Variants in RSPH1 observed in about 807,000 individuals in gnomAD.
RSPH1 encodes the protein radial spoke head component 1, also known as radial spoke head 1 homolog.
A neutral mutation model predicts 44.2 loss-of-function variants in RSPH1; 32 were observed. The observed-to-expected ratio is 0.72, with a 90% CI of 0.55 to 0.97. The LOEUF (loss-of-function observed/expected upper bound fraction) is 0.97. Ranked by LOEUF, RSPH1 falls within the 50% of genes least tolerant of loss-of-function variation. RSPH1 has a pLI of 0.00. For synonymous variants in RSPH1, 134 were observed against 147.3 expected, an observed-to-expected ratio of 0.91 and a Z score of 0.65; for missense variants, 391 against 398.7, an observed-to-expected ratio of 0.98 and a Z score of 0.16.
intron 6 of RSPH1, among the ~76,000 whole-genome samples, chr21:42,480,532 C>A (rs368280520): frequency 2.7e-5 from 4 of 145,868 alleles, no homozygotes; most frequent in Non-Finnish European, 6.0e-5. Flanking sequence ...CCCAGCTACT[C>A]GGGAGGCTGA....
intron 1 of RSPH1, among the ~76,000 whole-genome samples, chr21:42,495,509 C>T (rs2054278990): frequency 6.6e-6 from 1 of 152,216 alleles, no homozygotes; most frequent in South Asian, 2.1e-4. Context: ...CCACACAGAA[C>T]CCAGCTCACA....
At chr21:42,481,232 T>G (rs1261918261) in intron 6 of RSPH1, among the ~76,000 whole-genome samples, 1 of 152,016 alleles carries the variant, frequency 6.6e-6, no homozygotes, top group Non-Finnish European at 1.5e-5. Context: ...TGGCACCTCC[T>G]CCCCTCTTTT....
chr21:42,485,853 A>G, intron 4 of RSPH1, 49 bp from the exon 5 acceptor site: 1 of 1,610,860 alleles, frequency 6.2e-7, no homozygotes. Flanking sequence ...ACAGTGAAAA[A>G]TCTCCCAGGT....
In RSPH1 at chr21:42,477,239, G is replaced by A. The variant is rs147838477; in HGVS notation, c.727+52C>T. On this transcript the variant is annotated intron_variant, in intron 7 of 8. Transcript: ENST00000291536. ...ACACCCTCTGTCCCACAGCCCGGGGGTGCCCCACACCCTCTGCCCCCTCCA... is the reference window on the plus strand; with the variant it reads ...ACACCCTCTGTCCCACAGCCCGGGGATGCCCCACACCCTCTGCCCCCTCCA... 7.7e-3 allele frequency: 7,488 copies of A among 978,180 alleles called. 135 individuals are homozygous for A. The highest frequency in any genetic ancestry group is 0.015 in the South Asian group (872 of 59,336). The allele number at this position is 978,180 out of a possible 1,614,324, so 60.6% of individuals were successfully genotyped here. A position where few individuals can be genotyped will look rare whatever the true frequency, so the allele number is the denominator to read the frequency against.
At chr21:42,490,361 G>A (rs111611755) in intron 3 of RSPH1, among the ~76,000 whole-genome samples, 229 of 152,300 alleles carry the variant, frequency 1.5e-3, no homozygotes, top group African/African-American at 4.9e-3. Context: ...GGCCCATTGT[G>A]ATGGCAGCCA....
intron 5 of RSPH1, chr21:42,484,796 T>A (rs2054162013): frequency 6.6e-6 from 1 of 152,024 alleles, no homozygotes; most frequent in South Asian, 2.1e-4. Context: ...CCACAGAAAG[T>A]TTGCTGGGAA....
chr21:42,478,029 GA>G (rs2054087447), intron 6 of RSPH1, among the ~76,000 whole-genome samples: 1 of 152,184 alleles, frequency 6.6e-6, no homozygotes, highest in African/African-American at 2.4e-5. Context: ...GGATTATGGG[GA>G]AAAATAAAAT....
chr21:42,481,541 C>A (rs558883238), intron 6 of RSPH1, among the ~76,000 whole-genome samples: 1 of 152,146 alleles, frequency 6.6e-6, no homozygotes, highest in Admixed American at 6.5e-5. Flanking sequence ...AGTTTGTGTA[C>A]GATAATATAT....
intron 1 of RSPH1, 134 bp from the exon 2 acceptor site, chr21:42,493,213 C>T: frequency 2.6e-6 from 2 of 760,780 alleles, no homozygotes; most frequent in Non-Finnish European, 2.2e-6. Flanking sequence ...AATTGTCCCA[C>T]CTTTCCCACC....
At chr21:42,489,008 G>A (rs1157156640) in intron 3 of RSPH1, among the ~76,000 whole-genome samples, 1 of 152,022 alleles carries the variant, frequency 6.6e-6, no homozygotes. Context: ...TGGTTGGTTG[G>A]TTGGTTGATT....
At position 42,472,792 on chromosome 21, in the gene RSPH1, A is replaced by G. The variant is rs923231704; in HGVS notation, c.*26T>C. 1 of 1,576,526 alleles carries G rather than the reference A, an allele frequency of 6.3e-7. No homozygotes were observed. Among genetic ancestry groups the G allele is most frequent in the Non-Finnish European group, 8.7e-7 (1 of 1,147,464 alleles). On this transcript the variant is annotated 3_prime_UTR_variant, in exon 9 of 9. Coordinates refer to ENST00000291536, the MANE Select transcript of RSPH1 (RefSeq NM_080860.4). Reference sequence around the variant, plus strand: ...CTAACGACAGAAGCATTCTTATGATACGATCTCCTCTCGGCTCACTTCATC... The same window carrying G: ...CTAACGACAGAAGCATTCTTATGATGCGATCTCCTCTCGGCTCACTTCATC...
chr21:42,495,306 AGC>A (rs2054276998), intron 1 of RSPH1, among the ~76,000 whole-genome samples: 1 of 152,150 alleles, frequency 6.6e-6, no homozygotes, highest in African/African-American at 2.4e-5. Flanking sequence ...GAGTGCCCAG[AGC>A]TAGCAAAAAG....
rs762424929 is a variant in RSPH1, at chr21:42,496,115, C to G, written c.54+18G>C. On this transcript the variant is annotated intron_variant, in intron 1 of 8. Transcript: ENST00000291536. ...CGCTGCGCACCCTGGGAAGCCCTTT[C>G]TCACCAGGAGCTCTCACCCCAATAT... The G allele has an allele frequency of 3.1e-6, 5 of 1,614,126 alleles. No individual in the cohort carries two copies. Among genetic ancestry groups the G allele is most frequent in the South Asian group, 2.2e-5 (2 of 91,082 alleles).
chr21:42,483,609 C>T (rs997884476), intron 5 of RSPH1, among the ~76,000 whole-genome samples: 1 of 152,030 alleles, frequency 6.6e-6, no homozygotes, highest in East Asian at 1.9e-4. Context: ...CAAATATTCT[C>T]TCCCCATTTA....
Position 42,477,124 on chromosome 21 carries a change from G to GGTGCCCT in RSPH1, c.727+166_727+167insAGGGCAC, listed in dbSNP as rs2054067906. Among the ~76,000 whole-genome samples, 2 of 132,954 alleles carry GGTGCCCT rather than the reference G, an allele frequency of 1.5e-5. 1 individual carries two copies. The highest frequency in any genetic ancestry group is 3.2e-5 in the Non-Finnish European group (2 of 61,582). The allele number at this position is 132,954 out of a possible 152,430, so 87.2% of individuals were successfully genotyped here. A position where few individuals can be genotyped will look rare whatever the true frequency, so the allele number is the denominator to read the frequency against. The stretch of plus-strand genomic sequence containing the variant: ...TGCCCCCTCCACTCCACAGCCCGGG[G>GGTGCCCT]ATGCCCCACACCCTCTGCCCCCTCC... On this transcript the variant is annotated intron_variant, in intron 7 of 8. Coordinates refer to ENST00000291536, the MANE Select transcript of RSPH1 (RefSeq NM_080860.4).
Position 42,477,453 on chromosome 21 carries a change from A to G in RSPH1, c.574-9T>C. ...TCCTCTTCTCCTCTTTCCTATTTTA[A>G]GTGCAAAAATGTACATTTACCAACA... On this transcript the variant is annotated splice_polypyrimidine_tract_variant and intron_variant, in intron 6 of 8. Transcript: ENST00000291536. 6.2e-7 allele frequency: 1 copy of G among 1,613,458 alleles called. No homozygotes were observed. The highest frequency in any genetic ancestry group is 8.5e-7 in the Non-Finnish European group (1 of 1,179,506).
intron 1 of RSPH1, 79 bp downstream of exon 1, chr21:42,496,053 TC>T: frequency 6.5e-7 from 1 of 1,527,504 alleles, no homozygotes; most frequent in Non-Finnish European, 9.1e-7. Context: ...TTTCTGCGCC[TC>T]CTCACTCTCC....
In RSPH1 at chr21:42,477,387, C is replaced by CT; in HGVS notation, c.630dup (p.Ala211SerfsTer6). ...AGGGCCAATTCAGTGATTTGGGTAG[C>CT]TTTCCATTTTGGAACAACAGTTACT... On this transcript the variant is annotated frameshift_variant, in exon 7 of 9. Coordinates refer to ENST00000291536, the MANE Select transcript of RSPH1 (RefSeq NM_080860.4). LOFTEE classifies it high-confidence loss of function. The CT allele has an allele frequency of 6.2e-7, 1 of 1,613,362 alleles. No individual in the cohort carries two copies.
chr21:42,492,352 G>A (rs1254754550), intron 3 of RSPH1, among the ~76,000 whole-genome samples: 7 of 152,228 alleles, frequency 4.6e-5, no homozygotes, highest in African/African-American at 1.7e-4. Flanking sequence ...GGAAACACTC[G>A]ATCTGAAGAA....
Sources: gnomAD v4.1 joint callset for allele counts (sites outside exome capture counted in the v4.1 genomes callset) on GRCh38, gnomAD v4.1.1 for gene constraint, MANE v1.5 for transcripts, NCBI Gene and HGNC (gene_info 2026-07-23, HGNC 2026-07-21) for gene names.